The following OR51L1 variants were observed in gnomAD, a reference collection of about 807,000 sequenced individuals.
The protein encoded by OR51L1 is olfactory receptor family 51 subfamily L member 1, also known as olfactory receptor 51L1.
In OR51L1, 1 loss-of-function variant was observed where a neutral mutation model predicts 1.4. The ratio of observed to expected loss-of-function variants is 0.72; its 90% CI spans 0.26 to 3.42. The LOEUF (loss-of-function observed/expected upper bound fraction) is 3.42. Ranked by LOEUF, OR51L1 falls within the 30% of genes most tolerant of loss-of-function variation. The pLI is 0.20. For synonymous variants in OR51L1, 156 were observed against 144.2 expected (o/e 1.08, Z -0.59); for missense variants, 378 against 380.0 (o/e 0.99, Z 0.04).
rs1401370673 is a variant in OR51L1 at position 4,999,059 on chromosome 11, A to G, written c.77A>G (p.His26Arg). The G allele has an allele frequency of 4.3e-6, 7 of 1,613,970 alleles. No homozygotes were observed. In the Admixed American group the frequency reaches 6.7e-5, roughly 15 times the overall value. ...LRGFPGLEYV[H>R]SWLSILFCLA... is the part of the protein sequence containing the mutation. ...GGTTTTCCTGGACTGGAGTATGTTC[A>G]TTCTTGGCTCTCCATCCTCTTCTGT... Residue 26 changes from histidine to arginine, a missense_variant, in exon 3 of 3, where the codon CAT becomes CGT. By Grantham distance (29) the His-to-Arg change is conservative. Coordinates refer to ENST00000641819, the MANE Select transcript of OR51L1 (RefSeq NM_001004755.2).
chr11:4,996,706 C>T (rs1261567847), intron 1 of OR51L1, among the ~76,000 whole-genome samples: 13 of 110,650 alleles, frequency 1.2e-4, no homozygotes, highest in African/African-American at 3.7e-4. Flanking sequence ...TCTTTTCCTT[C>T]CTTCCTTTCT....
rs1242079777 is a variant in OR51L1, at chr11:5,001,989, ATATAT to A, written c.*2062_*2066del. On this transcript the variant is annotated 3_prime_UTR_variant, in exon 3 of 3. Coordinates refer to ENST00000641819, the MANE Select transcript of OR51L1 (RefSeq NM_001004755.2). ...GGAACAGGTACCTTTTATAATATTG[ATATAT>A]TAATAAGTGGTCAATTTCACTTGAG... 1 of 152,242 alleles carries A rather than the reference ATATAT, an allele frequency of 6.6e-6. No homozygotes were observed. Among genetic ancestry groups the A allele is most frequent in the African/African-American group, 2.4e-5 (1 of 41,460 alleles). The allele number at this position is 152,242 out of a possible 1,614,324, so 9.4% of individuals were successfully genotyped here. A position where few individuals can be genotyped will look rare whatever the true frequency, so the allele number is the denominator to read the frequency against.
chr11:4,998,229 ACACACACG>A (rs1485325049), intron 2 of OR51L1, among the ~76,000 whole-genome samples: 3 of 135,022 alleles, frequency 2.2e-5, no homozygotes, highest in South Asian at 4.7e-4. Context: ...ACACACACAC[ACACACACG>A]CATATACACT....
Position 4,999,306 on chromosome 11 carries a change from A to G in OR51L1, c.324A>G (p.Thr108=), listed in dbSNP as rs1380903549. Residue 108 remains threonine (T), a synonymous_variant, in exon 3 of 3, where the codon ACA becomes ACG. Coordinates refer to ENST00000641819, the MANE Select transcript of OR51L1 (RefSeq NM_001004755.2). The stretch of plus-strand genomic sequence containing the variant: ...ATGCTCAGCTGTTCTTCATCCACAC[A>G]TTCACATTCCTGGAGTCCTCAGTGT... ...ACYAQLFFIH[T]FTFLESSVLL... is the part of the protein sequence containing the mutation. 1 of 1,614,164 alleles carries G rather than the reference A, an allele frequency of 6.2e-7. No individual in the cohort carries two copies. Among genetic ancestry groups the G allele is most frequent in the South Asian group, 1.1e-5 (1 of 91,082 alleles).
In OR51L1 at chr11:5,004,783, CCTT is replaced by C. The variant is rs1267183685; in HGVS notation, c.*4856_*4858del. 3 of 152,094 alleles carry C rather than the reference CCTT, an allele frequency of 2.0e-5. No homozygotes were observed. The highest frequency in any genetic ancestry group is 2.9e-5 in the Non-Finnish European group (2 of 67,994). The allele number at this position is 152,094 out of a possible 1,614,324, so 9.4% of individuals were successfully genotyped here. A position where few individuals can be genotyped will look rare whatever the true frequency, so the allele number is the denominator to read the frequency against. ...CATTTGCTGATATTATCAATGATGTCCTTCTGTGTAATTTTTGAAAGTTGTAAG... is the reference window on the plus strand; with the variant it reads ...CATTTGCTGATATTATCAATGATGTCCTGTGTAATTTTTGAAAGTTGTAAG... On this transcript the variant is annotated 3_prime_UTR_variant, in exon 3 of 3. Transcript: ENST00000641819.
At position 5,001,750 on chromosome 11, in the gene OR51L1, G is replaced by A. The variant is rs1395382230; in HGVS notation, c.*1820G>A. 6.6e-6 allele frequency: 1 copy of A among 152,082 alleles called. No individual in the cohort carries two copies. The highest frequency in any genetic ancestry group is 1.5e-5 in the Non-Finnish European group (1 of 68,012). 9.4% of individuals were successfully genotyped at this position (152,082 alleles called of 1,614,324 possible). A position where few individuals can be genotyped will look rare whatever the true frequency, so the allele number is the denominator to read the frequency against. On this transcript the variant is annotated 3_prime_UTR_variant, in exon 3 of 3. Coordinates refer to ENST00000641819, the MANE Select transcript of OR51L1 (RefSeq NM_001004755.2). ...GCACACTTTTTGAATATGGGGCCAT[G>A]TCTATTACCTTATCACAGCACTATA...
intron 1 of OR51L1, among the ~76,000 whole-genome samples, chr11:4,996,421 T>G (rs1448698068): frequency 6.6e-6 from 1 of 152,162 alleles, no homozygotes; most frequent in Non-Finnish European, 1.5e-5. Flanking sequence ...TCAAATCTAT[T>G]GGCCAGTCTA....
At position 4,999,646 on chromosome 11, in the gene OR51L1, C is replaced by T; in HGVS notation, c.664C>T (p.Leu222=). The change falls in exon 3 of 3, where the codon CTG becomes TTG. Residue 222 remains leucine (L), a synonymous_variant. Coordinates refer to ENST00000641819, the MANE Select transcript of OR51L1 (RefSeq NM_001004755.2). Reference sequence around the variant, plus strand: ...AATCTTCATACTTCTTTCTTATGTTCTGATTCTTAATACTGTGCTGGATAT... The same window carrying T: ...AATCTTCATACTTCTTTCTTATGTTTTGATTCTTAATACTGTGCTGGATAT... The part of the protein sequence containing the change: ...DSIFILLSYV[L]ILNTVLDIAS... 1 of 1,613,956 alleles carries T rather than the reference C, an allele frequency of 6.2e-7. No individual in the cohort carries two copies. Among genetic ancestry groups the T allele is most frequent in the Non-Finnish European group, 8.5e-7 (1 of 1,179,932 alleles).
At chr11:4,996,708 TTCC>T (rs1438424477) in intron 1 of OR51L1, among the ~76,000 whole-genome samples, 74 of 86,750 alleles carry the variant, frequency 8.5e-4, no homozygotes, top group African/African-American at 2.8e-3. Flanking sequence ...TTTTCCTTCC[TTCC>T]TTTCTTTTCT....
At position 5,000,005 on chromosome 11, in the gene OR51L1, G is replaced by T. The variant is rs1282486956; in HGVS notation, c.*75G>T. 6 of 1,381,922 alleles carry T rather than the reference G, an allele frequency of 4.3e-6. No homozygotes were observed. The highest frequency in any genetic ancestry group is 2.4e-5 in the East Asian group (1 of 41,946). The allele number at this position is 1,381,922 out of a possible 1,614,324, so 85.6% of individuals were successfully genotyped here. A position where few individuals can be genotyped will look rare whatever the true frequency, so the allele number is the denominator to read the frequency against. ...TTAGTATATGAAAAGTAAAATATCT[G>T]GGTGTTGCTCATCTGGTTAAAATCC... On this transcript the variant is annotated 3_prime_UTR_variant, in exon 3 of 3. Coordinates refer to ENST00000641819, the MANE Select transcript of OR51L1 (RefSeq NM_001004755.2).
intron 1 of OR51L1, among the ~76,000 whole-genome samples, chr11:4,996,731 T>TTCTA (rs1847075118): frequency 6.9e-6 from 1 of 145,032 alleles, no homozygotes; most frequent in Non-Finnish European, 1.5e-5. Flanking sequence ...TTTTCTTTCT[T>TTCTA]TCTTTCTTTC....
chr11:4,995,150 A>G lies in OR51L1; in HGVS notation c.-447A>G, dbSNP rs1847057566. Reference sequence around the variant, plus strand: ...AAAGATAGTAAAGATAATTTGACACATAAAATGAGATAAAGAGAGAAAAAG... The same window carrying G: ...AAAGATAGTAAAGATAATTTGACACGTAAAATGAGATAAAGAGAGAAAAAG... On this transcript the variant is annotated 5_prime_UTR_variant, in exon 1 of 3. Transcript: ENST00000641819. The G allele has an allele frequency of 6.6e-6, 1 of 152,116 alleles. No homozygotes were observed. Among genetic ancestry groups the G allele is most frequent in the Admixed American group, 6.6e-5 (1 of 15,262 alleles). The allele number at this position is 152,116 out of a possible 1,614,324, so 9.4% of individuals were successfully genotyped here. A position where few individuals can be genotyped will look rare whatever the true frequency, so the allele number is the denominator to read the frequency against.
chr11:4,999,961 A>G lies in OR51L1; in HGVS notation c.*31A>G, dbSNP rs1219612840. On this transcript the variant is annotated 3_prime_UTR_variant, in exon 3 of 3. Coordinates refer to ENST00000641819, the MANE Select transcript of OR51L1 (RefSeq NM_001004755.2). ...CTCTGTCCTCCAACTTTTCCACTGAAAATCTCATGGAAGCTGTTTTAGTAT... is the reference window on the plus strand; with the variant it reads ...CTCTGTCCTCCAACTTTTCCACTGAGAATCTCATGGAAGCTGTTTTAGTAT... 1.3e-6 allele frequency: 2 copies of G among 1,555,550 alleles called. No homozygotes were observed. The highest frequency in any genetic ancestry group is 1.7e-6 in the Non-Finnish European group (2 of 1,152,866).
rs879560005 is a variant in OR51L1, at chr11:5,002,942, T to A, written c.*3012T>A. 1 of 152,086 alleles carries A rather than the reference T, an allele frequency of 6.6e-6. No individual in the cohort carries two copies. Among genetic ancestry groups the A allele is most frequent in the Non-Finnish European group, 1.5e-5 (1 of 68,036 alleles). 9.4% of individuals were successfully genotyped at this position (152,086 alleles called of 1,614,324 possible). ...GTTAGGGGTGGCTAATATCCAAGTC[T>A]CATGACATCAAATATATTACTGGTG... On this transcript the variant is annotated 3_prime_UTR_variant, in exon 3 of 3. Transcript: ENST00000641819.
rs894356935 is a variant in OR51L1, at chr11:4,995,002, A to G, written c.-595A>G. 8 of 152,184 alleles carry G rather than the reference A, an allele frequency of 5.3e-5. 1 individual carries two copies. Among genetic ancestry groups the G allele is most frequent in the African/African-American group, 1.9e-4 (8 of 41,458 alleles). The allele number at this position is 152,184 out of a possible 1,614,324, so 9.4% of individuals were successfully genotyped here. ...CAACTTAAACCACAGACACACAAAGAGAAATTAGAAGAAAGAAACAGCCAA... is the reference window on the plus strand; with the variant it reads ...CAACTTAAACCACAGACACACAAAGGGAAATTAGAAGAAAGAAACAGCCAA... On this transcript the variant is annotated 5_prime_UTR_variant, in exon 1 of 3. Coordinates refer to ENST00000641819, the MANE Select transcript of OR51L1 (RefSeq NM_001004755.2).
At chr11:4,997,853 T>G (rs1847085994) in intron 2 of OR51L1, among the ~76,000 whole-genome samples, 1 of 152,130 alleles carries the variant, frequency 6.6e-6, no homozygotes, top group African/African-American at 2.4e-5. Flanking sequence ...GCACTGATAG[T>G]GAATATTTAA....
chr11:4,998,832 A>C lies in OR51L1; in HGVS notation c.-151A>C. 78 of 805,254 alleles carry C rather than the reference A, an allele frequency of 9.7e-5. No homozygotes were observed. Among genetic ancestry groups the C allele is most frequent in the Non-Finnish European group, 1.2e-4 (62 of 516,412 alleles). 49.9% of individuals were successfully genotyped at this position (805,254 alleles called of 1,614,324 possible). ...AAATGTTTTTTACATAGGGCCGACA[A>C]GAGATACCAGCTTCCTTCCTCTGTG... is the stretch of plus-strand genomic sequence containing the variant. On this transcript the variant is annotated 5_prime_UTR_variant, in exon 3 of 3. Transcript: ENST00000641819.
In OR51L1 at chr11:5,000,066, A is replaced by G. The variant is rs1847116498; in HGVS notation, c.*136A>G. ...ACTTCTTATACATGTAATTTCAGTTAATCTTTAACCAATATGAAACTCAGG... is the reference window on the plus strand; with the variant it reads ...ACTTCTTATACATGTAATTTCAGTTGATCTTTAACCAATATGAAACTCAGG... On this transcript the variant is annotated 3_prime_UTR_variant, in exon 3 of 3. Transcript: ENST00000641819. 2.4e-5 allele frequency: 23 copies of G among 943,032 alleles called. No homozygotes were observed. The highest frequency in any genetic ancestry group is 3.3e-5 in the Non-Finnish European group (22 of 661,958). The allele number at this position is 943,032 out of a possible 1,614,324, so 58.4% of individuals were successfully genotyped here.
intron 1 of OR51L1, 136 bp from the exon 2 acceptor site, chr11:4,997,346 G>A (rs2133659813): frequency 6.6e-6 from 1 of 152,176 alleles, no homozygotes; most frequent in East Asian, 1.9e-4. Context: ...TTAAAATAAA[G>A]CTTTTTATTA....
Sources: gnomAD v4.1 joint callset for allele counts (sites outside exome capture counted in the v4.1 genomes callset) on GRCh38, gnomAD v4.1.1 for gene constraint, MANE v1.5 for transcripts, NCBI Gene and HGNC (gene_info 2026-07-23, HGNC 2026-07-21) for gene names.